The following CNTNAP2 variants were observed in gnomAD, a reference collection of about 807,000 sequenced individuals.
The protein encoded by CNTNAP2 is contactin-associated protein-like 2.
Under a neutral mutation model 155.2 loss-of-function variants are expected in CNTNAP2, and 98 were observed. The observed-to-expected ratio is 0.63, with a 90% CI of 0.54 to 0.75. The LOEUF is 0.75. Among genes scored for constraint, CNTNAP2 ranks in the 30% least tolerant of loss-of-function variants. CNTNAP2 has a pLI of 0.00. For missense variants in CNTNAP2, 1,727 were observed against 1,688.1 expected (o/e 1.02, Z -0.40); for synonymous variants, 651 against 631.2 (o/e 1.03, Z -0.47).
chr7:146,367,318 G>A (rs1043511427), intron 1 of CNTNAP2, among the ~76,000 whole-genome samples: 4 of 152,024 alleles, frequency 2.6e-5, no homozygotes, highest in African/African-American at 4.8e-5. Flanking sequence ...TCTTGTAAGC[G>A]GCAGAGCAAA....
At chr7:146,913,162 T>TG (rs1796322932) in intron 3 of CNTNAP2, among the ~76,000 whole-genome samples, 1 of 152,144 alleles carries the variant, frequency 6.6e-6, no homozygotes, top group Non-Finnish European at 1.5e-5. Flanking sequence ...AAGGCAAAAA[T>TG]GAGCAGCGGG....
At chr7:146,409,138 G>A (rs1795833153) in intron 1 of CNTNAP2, among the ~76,000 whole-genome samples, 1 of 152,094 alleles carries the variant, frequency 6.6e-6, no homozygotes, top group Admixed American at 6.5e-5. Flanking sequence ...TCTACTTGGG[G>A]AATGTAAATA....
chr7:148,005,309 A>G (rs1801955768), intron 15 of CNTNAP2, among the ~76,000 whole-genome samples: 1 of 152,094 alleles, frequency 6.6e-6, no homozygotes, highest in Non-Finnish European at 1.5e-5. Flanking sequence ...CTCCATCCTA[A>G]AGACCTAATA....
intron 2 of CNTNAP2, among the ~76,000 whole-genome samples, chr7:146,777,423 G>T (rs1802409221): frequency 6.6e-6 from 1 of 152,164 alleles, no homozygotes; most frequent in African/African-American, 2.4e-5. Flanking sequence ...GCCCCTGCAG[G>T]TACAGCAAGA....
intron 9 of CNTNAP2, among the ~76,000 whole-genome samples, chr7:147,343,848 A>G (rs1431984112): frequency 1.3e-5 from 2 of 152,170 alleles, no homozygotes; most frequent in Non-Finnish European, 2.9e-5. Flanking sequence ...TGGGGGCATC[A>G]AAACTACAGA....
At chr7:147,878,544 C>A (rs1799464723) in intron 13 of CNTNAP2, among the ~76,000 whole-genome samples, 1 of 151,702 alleles carries the variant, frequency 6.6e-6, no homozygotes, top group South Asian at 2.1e-4. Flanking sequence ...TCTGAAAACT[C>A]AAGTTTATTT....
chr7:146,208,239 G>C (rs1007385886), intron 1 of CNTNAP2, among the ~76,000 whole-genome samples: 1 of 151,764 alleles, frequency 6.6e-6, no homozygotes, highest in Non-Finnish European at 1.5e-5. Context: ...AAACTGCTAG[G>C]CATTAAAAGT....
intron 18 of CNTNAP2, among the ~76,000 whole-genome samples, chr7:148,216,446 T>C (rs562314367): frequency 3.5e-4 from 53 of 150,800 alleles, no homozygotes; most frequent in Non-Finnish European, 5.4e-4. Flanking sequence ...CATGTGATTG[T>C]AAACCCTATA....
intron 15 of CNTNAP2, chr7:148,013,073 C>T (rs1426026158): frequency 1.3e-5 from 2 of 152,130 alleles, no homozygotes; most frequent in Non-Finnish European, 2.9e-5. Context: ...TGGGGGTGTT[C>T]ACAGTGCTGA....
intron 3 of CNTNAP2, among the ~76,000 whole-genome samples, chr7:146,964,249 G>T (rs1334596581): frequency 2.6e-5 from 4 of 152,120 alleles, no homozygotes; most frequent in African/African-American, 9.7e-5. Flanking sequence ...GAAAACAATA[G>T]AATTTGCTGC....
At chr7:146,886,116 A>G (rs1224162296) in intron 3 of CNTNAP2, among the ~76,000 whole-genome samples, 1 of 151,880 alleles carries the variant, frequency 6.6e-6, no homozygotes, top group Admixed American at 6.6e-5. Flanking sequence ...TCACCCCTCA[A>G]CCCTGCAATC....
chr7:146,845,644 T>C (rs940306688), intron 3 of CNTNAP2, among the ~76,000 whole-genome samples: 5 of 152,220 alleles, frequency 3.3e-5, no homozygotes, highest in African/African-American at 1.2e-4. Context: ...TTTACCTCTT[T>C]TTACTCTTAT....
chr7:147,858,901 T>C (rs183667446), intron 13 of CNTNAP2, among the ~76,000 whole-genome samples: 41 of 152,238 alleles, frequency 2.7e-4, no homozygotes, highest in African/African-American at 9.1e-4. Flanking sequence ...TGTGAGAAAA[T>C]TAAGTTATTT....
chr7:146,264,209 C>T (rs139172043), intron 1 of CNTNAP2, among the ~76,000 whole-genome samples: 1,842 of 151,996 alleles, frequency 0.012, 9 homozygotes, highest in Middle Eastern at 0.051. Context: ...TTTGGGAGGC[C>T]GAGGTGGGCA....
intron 9 of CNTNAP2, among the ~76,000 whole-genome samples, chr7:147,326,545 C>G (rs1584875411): frequency 6.6e-6 from 1 of 152,116 alleles, no homozygotes; most frequent in Non-Finnish European, 1.5e-5. Flanking sequence ...TAGATATATA[C>G]CCAGGAGTGG....
intron 13 of CNTNAP2, among the ~76,000 whole-genome samples, chr7:147,797,449 A>G (rs937606396): frequency 6.6e-6 from 1 of 152,200 alleles, no homozygotes; most frequent in Non-Finnish European, 1.5e-5. Context: ...ACTTGTACTC[A>G]GTCAAACCCT....
intron 2 of CNTNAP2, among the ~76,000 whole-genome samples, chr7:146,827,175 G>A (rs972699758): frequency 1.3e-5 from 2 of 151,786 alleles, no homozygotes; most frequent in Non-Finnish European, 2.9e-5. Context: ...TCATTTTGTA[G>A]ATATTGAGTG....
At chr7:146,596,262 A>G (rs145661660) in intron 1 of CNTNAP2, among the ~76,000 whole-genome samples, 1 of 152,176 alleles carries the variant, frequency 6.6e-6, no homozygotes, top group East Asian at 1.9e-4. Flanking sequence ...TGCAAGACAT[A>G]TCAAATGGAT....
intron 20 of CNTNAP2, among the ~76,000 whole-genome samples, chr7:148,266,629 T>TGA (rs1350448234): frequency 6.6e-6 from 1 of 152,034 alleles, no homozygotes; most frequent in African/African-American, 2.4e-5. Context: ...TGTGTGTGTG[T>TGA]GATCATGTCA....
Sources: allele counts gnomAD v4.1 joint callset (sites outside exome capture counted in the v4.1 genomes callset), GRCh38; gene constraint gnomAD v4.1.1; transcripts MANE v1.5; gene names NCBI Gene and HGNC (gene_info 2026-07-23, HGNC 2026-07-21).